The following ROBO1 variants were observed in gnomAD, a reference collection of about 807,000 sequenced individuals.
ROBO1 encodes roundabout guidance receptor 1, also known as roundabout homolog 1.
A neutral mutation model predicts 195.9 loss-of-function variants in ROBO1; 149 were observed. That is an observed-to-expected ratio of 0.76 (90% CI 0.67 to 0.87). The LOEUF (loss-of-function observed/expected upper bound fraction) is 0.87, where lower values mean the gene tolerates loss of function less well. Ranked by LOEUF, ROBO1 falls within the 40% of genes least tolerant of loss-of-function variation. ROBO1 has a pLI of 0.00. For missense variants in ROBO1, 1,933 were observed against 2,068.3 expected (o/e 0.93, Z 1.27); for synonymous variants, 816 against 733.2 (o/e 1.11, Z -1.82).
At chr3:78,992,096 G>A (rs1033656524) in intron 3 of ROBO1, among the ~76,000 whole-genome samples, 9 of 152,142 alleles carry the variant, frequency 5.9e-5, no homozygotes, top group African/African-American at 1.9e-4. Flanking sequence ...TGTAATGATA[G>A]AATGCTCCAG....
intron 3 of ROBO1, among the ~76,000 whole-genome samples, chr3:78,967,527 A>G (rs984666748): frequency 2.6e-5 from 4 of 152,102 alleles, no homozygotes; most frequent in Admixed American, 2.0e-4. Flanking sequence ...CTGGGCACTG[A>G]AGTCTTCCCG....
intron 1 of ROBO1, among the ~76,000 whole-genome samples, chr3:79,731,056 T>C (rs1045792159): frequency 6.6e-6 from 1 of 152,158 alleles, no homozygotes; most frequent in African/African-American, 2.4e-5. Context: ...CATTTCCTTT[T>C]CTACATTTTA....
intron 8 of ROBO1, among the ~76,000 whole-genome samples, chr3:78,708,537 C>A (rs142979929): frequency 5.9e-4 from 89 of 152,106 alleles, no homozygotes; most frequent in Non-Finnish European, 7.5e-4. Flanking sequence ...TCATCTGATT[C>A]TAAGAAGAAC....
chr3:78,700,909 G>A (rs113081897), intron 8 of ROBO1, among the ~76,000 whole-genome samples: 1,746 of 152,028 alleles, frequency 0.011, 13 homozygotes, highest in Non-Finnish European at 0.017. Context: ...GATTACAGGC[G>A]CACGCCACCA....
intron 4 of ROBO1, among the ~76,000 whole-genome samples, chr3:78,750,905 C>A (rs1002854376): frequency 5.3e-5 from 8 of 152,264 alleles, no homozygotes; most frequent in Middle Eastern, 6.8e-3. Flanking sequence ...CAGAAGAAAA[C>A]CCAGGTATTC....
chr3:79,419,115 G>A (rs1388518930), intron 2 of ROBO1, among the ~76,000 whole-genome samples: 1 of 152,156 alleles, frequency 6.6e-6, no homozygotes, highest in African/African-American at 2.4e-5. Context: ...ACATATTGCA[G>A]GATAGTGATT....
intron 2 of ROBO1, among the ~76,000 whole-genome samples, chr3:79,224,144 C>T (rs2108834385): frequency 6.6e-6 from 1 of 152,206 alleles, no homozygotes; most frequent in Non-Finnish European, 1.5e-5. Flanking sequence ...GTTTGAAATT[C>T]TCAATAGACA....
At chr3:79,086,540 A>G (rs1287430081) in intron 3 of ROBO1, among the ~76,000 whole-genome samples, 1 of 152,166 alleles carries the variant, frequency 6.6e-6, no homozygotes, top group Non-Finnish European at 1.5e-5. Flanking sequence ...CTATAAGAAT[A>G]CCTGAGAAAA....
intron 4 of ROBO1, among the ~76,000 whole-genome samples, chr3:78,824,571 T>A (rs2031400794): frequency 6.6e-6 from 1 of 152,132 alleles, no homozygotes; most frequent in Admixed American, 6.6e-5. Flanking sequence ...GTAATAGAAG[T>A]CATGATAGCA....
chr3:78,941,371 C>T (rs1369394477), intron 3 of ROBO1, among the ~76,000 whole-genome samples: 3 of 152,186 alleles, frequency 2.0e-5, no homozygotes, highest in African/African-American at 7.2e-5. Flanking sequence ...TATTACTCAT[C>T]ACAGTCAGTG....
chr3:78,610,759 T>C (rs1008287698), intron 28 of ROBO1, among the ~76,000 whole-genome samples: 1 of 152,158 alleles, frequency 6.6e-6, no homozygotes, highest in African/African-American at 2.4e-5. Context: ...ATTTAAAGAA[T>C]TCTAACTTCC....
At chr3:78,875,743 G>A (rs2035803495) in intron 4 of ROBO1, among the ~76,000 whole-genome samples, 1 of 152,000 alleles carries the variant, frequency 6.6e-6, no homozygotes. Flanking sequence ...ACAGAGAGAA[G>A]CATGAAAATC....
At chr3:79,470,583 A>G (rs188862038) in intron 2 of ROBO1, among the ~76,000 whole-genome samples, 1 of 152,274 alleles carries the variant, frequency 6.6e-6, no homozygotes, top group Admixed American at 6.5e-5. Context: ...TCTCACCTTG[A>G]ATTGTAATAA....
intron 2 of ROBO1, among the ~76,000 whole-genome samples, chr3:79,475,891 T>C (rs1322437586): frequency 2.6e-5 from 4 of 152,142 alleles, no homozygotes; most frequent in Non-Finnish European, 5.9e-5. Flanking sequence ...TTTTCTTACA[T>C]GTCTTTTTAA....
At chr3:79,365,355 C>T (rs1225820351) in intron 2 of ROBO1, among the ~76,000 whole-genome samples, 3 of 152,194 alleles carry the variant, frequency 2.0e-5, no homozygotes, top group East Asian at 1.9e-4. Context: ...AACGTCATGT[C>T]AGCAAGCTTA....
In ROBO1 at chr3:79,530,755, C is replaced by CCACACACA. The variant is rs59568172; in HGVS notation, c.88+59061_88+59068dup. 4.3e-3 allele frequency among the ~76,000 whole-genome samples: 551 copies of CCACACACA among 128,240 alleles called. 5 individuals are homozygous for CCACACACA. The highest frequency in any genetic ancestry group is 7.9e-3 in the Admixed American group (98 of 12,378). The allele number at this position is 128,240 out of a possible 152,430, so 84.1% of individuals were successfully genotyped here. A position where few individuals can be genotyped will look rare whatever the true frequency, so the allele number is the denominator to read the frequency against. ...TATTTAATTCACCCACACCTTGTAA[C>CCACACACA]CACACACACACACACACACACACAC... On this transcript the variant is annotated intron_variant, in intron 2 of 30. Transcript: ENST00000464233.
Position 78,617,916 on chromosome 3 carries a change from G to A in ROBO1, c.4001C>T (p.Ala1334Val). ...TDAPEEEEDE[A>V]DMEVAKMQTR... ...TTGCATCTTGGCTACCTCCATGTCGGCTTCGTCTTCTTCCTCTTCTGGCGC... is the reference window on the plus strand; with the variant it reads ...TTGCATCTTGGCTACCTCCATGTCGACTTCGTCTTCTTCCTCTTCTGGCGC... The change falls in exon 27 of 31, where the codon GCC (alanine) becomes GTC (valine). Residue 1334 changes from alanine to valine, a missense_variant. Coordinates refer to ENST00000464233, the MANE Select transcript of ROBO1 (RefSeq NM_002941.4). 6.2e-7 allele frequency: 1 copy of A among 1,613,978 alleles called. No individual in the cohort carries two copies. The highest frequency in any genetic ancestry group is 8.5e-7 in the Non-Finnish European group (1 of 1,179,892).
intron 1 of ROBO1, among the ~76,000 whole-genome samples, chr3:79,711,261 A>G (rs1265345578): frequency 1.3e-5 from 2 of 152,146 alleles, no homozygotes; most frequent in African/African-American, 2.4e-5. Flanking sequence ...TGTGCATAAT[A>G]CAGTGAATAA....
At chr3:79,415,117 T>C (rs2037945309) in intron 2 of ROBO1, among the ~76,000 whole-genome samples, 1 of 152,104 alleles carries the variant, frequency 6.6e-6, no homozygotes, top group Non-Finnish European at 1.5e-5. Context: ...CTCACGGAAG[T>C]TAATGTGAGT....
Sources: gnomAD v4.1 joint callset for allele counts (sites outside exome capture counted in the v4.1 genomes callset) on GRCh38, gnomAD v4.1.1 for gene constraint, MANE v1.5 for transcripts, NCBI Gene and HGNC (gene_info 2026-07-23, HGNC 2026-07-21) for gene names.